Variants in CLVS1 observed in about 807,000 individuals in gnomAD.
CLVS1 encodes the protein clavesin 1.
Under a neutral mutation model 33.1 loss-of-function variants are expected in CLVS1, and 10 were observed. The observed-to-expected ratio is 0.30, with a 90% CI of 0.19 to 0.51. The LOEUF is 0.51. Among genes scored for constraint, CLVS1 ranks in the 20% least tolerant of loss-of-function variants. The probability of loss-of-function intolerance (pLI) is 0.97; values close to 1 mark genes in which losing one functional copy is unlikely to be tolerated. For synonymous variants in CLVS1, 163 were observed against 166.1 expected, an observed-to-expected ratio of 0.98 and a Z score of 0.14; for missense variants, 343 against 433.4, an observed-to-expected ratio of 0.79 and a Z score of 1.85.
chr8:61,296,755 C>T (rs1472425507), intron 1 of CLVS1, among the ~76,000 whole-genome samples: 2 of 152,164 alleles, frequency 1.3e-5, no homozygotes, highest in Non-Finnish European at 2.9e-5. Context: ...GGTCTATTTA[C>T]TGAGCATCTA....
intron 5 of CLVS1, among the ~76,000 whole-genome samples, chr8:61,469,102 T>C (rs749432832): frequency 6.6e-6 from 1 of 152,208 alleles, no homozygotes; most frequent in Non-Finnish European, 1.5e-5. Context: ...ATCCTGGCCA[T>C]GACCACTCAA....
At chr8:61,093,933 T>C (rs938976942) in intron 1 of CLVS1, among the ~76,000 whole-genome samples, 1 of 152,124 alleles carries the variant, frequency 6.6e-6, no homozygotes, top group African/African-American at 2.4e-5. Flanking sequence ...CCAGCAGAGG[T>C]CTGAATTTAA....
chr8:61,090,751 T>C, intron 1 of CLVS1: 1 of 421,618 alleles, frequency 2.4e-6, no homozygotes, highest in East Asian at 5.9e-5. Flanking sequence ...TAAAACTTGT[T>C]TCCTAATTTC....
At chr8:61,000,544 G>C in the CLVS1 span, among the ~76,000 whole-genome samples, 1 of 152,184 alleles carries the variant, frequency 6.6e-6, no homozygotes, top group African/African-American at 2.4e-5. Flanking sequence ...AGGCAAAGCA[G>C]CATGAAACCA....
intron 5 of CLVS1, among the ~76,000 whole-genome samples, chr8:61,474,163 C>G (rs532519798): frequency 6.6e-6 from 1 of 152,274 alleles, no homozygotes; most frequent in African/African-American, 2.4e-5. Flanking sequence ...CATTCTCCAA[C>G]ATGGAGAATG....
intron 2 of CLVS1, among the ~76,000 whole-genome samples, chr8:61,157,197 G>C (rs1806667315): frequency 6.6e-6 from 1 of 152,112 alleles, no homozygotes; most frequent in Admixed American, 6.5e-5. Flanking sequence ...CTAAGGGTAG[G>C]CTCTTTTTTT....
chr8:61,287,824 T>C (rs1217708606), upstream of CLVS1: 1 of 336,602 alleles, frequency 3.0e-6, no homozygotes, highest in Non-Finnish European at 5.8e-6. Context: ...GTGATGACGC[T>C]GGTACTTTTT....
chr8:61,499,813 T>G lies in CLVS1; in HGVS notation c.*271T>G, dbSNP rs80098524. The G allele has an allele frequency of 0.012, 3,146 of 258,714 alleles. 102 individuals carry two copies. Among genetic ancestry groups the G allele is most frequent in the African/African-American group, 0.064 (2,950 of 46,008 alleles). 16.0% of individuals were successfully genotyped at this position (258,714 alleles called of 1,614,324 possible). A position where few individuals can be genotyped will look rare whatever the true frequency, so the allele number is the denominator to read the frequency against. The stretch of plus-strand genomic sequence containing the variant: ...AAAAAGATTCTCCCTCCTTTCATAT[T>G]TATTGTAGTAAATTGAAAAAATAAA... On this transcript the variant is annotated 3_prime_UTR_variant, in exon 6 of 6. Coordinates refer to ENST00000325897, the MANE Select transcript of CLVS1 (RefSeq NM_173519.3).
intron 2 of CLVS1, among the ~76,000 whole-genome samples, chr8:61,244,867 T>C (rs538543642): frequency 6.6e-6 from 1 of 152,248 alleles, no homozygotes; most frequent in South Asian, 2.1e-4. Context: ...TTTACTACAT[T>C]GTAACAAAAC....
At chr8:61,495,741 T>C (rs1293024782) in intron 5 of CLVS1, among the ~76,000 whole-genome samples, 4 of 152,224 alleles carry the variant, frequency 2.6e-5, no homozygotes, top group African/African-American at 4.8e-5. Context: ...AATGCAACTC[T>C]AAATTGCCTC....
At chr8:61,013,582 T>C in the CLVS1 span, among the ~76,000 whole-genome samples, 1 of 152,342 alleles carries the variant, frequency 6.6e-6, no homozygotes, top group South Asian at 2.1e-4. Context: ...GCCTTCTGCA[T>C]GAAGAAATAA....
chr8:61,464,295 G>T (rs1817471605), intron 5 of CLVS1, among the ~76,000 whole-genome samples: 1 of 152,164 alleles, frequency 6.6e-6, no homozygotes, highest in Non-Finnish European at 1.5e-5. Flanking sequence ...ATATGTGAAT[G>T]AATTAATATT....
chr8:60,984,192 C>T, the CLVS1 span, among the ~76,000 whole-genome samples: 3 of 152,202 alleles, frequency 2.0e-5, no homozygotes, highest in African/African-American at 7.2e-5. Context: ...ACCTGCTTTC[C>T]ACCTGTGTGT....
chr8:61,326,689 A>T (rs1811398298), intron 2 of CLVS1, among the ~76,000 whole-genome samples: 1 of 152,176 alleles, frequency 6.6e-6, no homozygotes, highest in Non-Finnish European at 1.5e-5. Context: ...CAGAAACCAA[A>T]TCCTCTTAGT....
At chr8:61,126,451 A>C (rs1319495156) in intron 1 of CLVS1, among the ~76,000 whole-genome samples, 2 of 152,194 alleles carry the variant, frequency 1.3e-5, no homozygotes, top group Non-Finnish European at 2.9e-5. Context: ...ATGGTCAATA[A>C]ATGCTTGCTA....
At chr8:61,453,387 A>T (rs1310121633) in intron 3 of CLVS1, among the ~76,000 whole-genome samples, 1 of 152,044 alleles carries the variant, frequency 6.6e-6, no homozygotes, top group East Asian at 1.9e-4. Flanking sequence ...CCTGATCTGG[A>T]TTCTAAATTT....
At chr8:60,972,533 G>GGTCGC in the CLVS1 span, among the ~76,000 whole-genome samples, 7 of 152,286 alleles carry the variant, frequency 4.6e-5, no homozygotes, top group African/African-American at 1.4e-4. Context: ...TTATTCTGGA[G>GGTCGC]GTCGCGAGAT....
At chr8:61,498,844 C>A (rs564275585) in intron 5 of CLVS1, among the ~76,000 whole-genome samples, 1 of 152,276 alleles carries the variant, frequency 6.6e-6, no homozygotes, top group African/African-American at 2.4e-5. Context: ...CAGTAAGGGA[C>A]AGAGTCTAAC....
At chr8:60,986,014 A>G in the CLVS1 span, among the ~76,000 whole-genome samples, 1 of 152,244 alleles carries the variant, frequency 6.6e-6, no homozygotes, top group African/African-American at 2.4e-5. Context: ...AAAAACAGAC[A>G]TTATGGAACA....
Sources: gnomAD v4.1 joint callset for allele counts (sites outside exome capture counted in the v4.1 genomes callset) on GRCh38, gnomAD v4.1.1 for gene constraint, MANE v1.5 for transcripts, NCBI Gene and HGNC (gene_info 2026-07-23, HGNC 2026-07-21) for gene names.